Variants in KCTD8 observed in about 807,000 individuals in gnomAD.
The protein encoded by KCTD8 is potassium channel tetramerization domain containing 8, also known as BTB/POZ domain-containing protein KCTD8.
Under a neutral mutation model 31.5 loss-of-function variants are expected in KCTD8, and 27 were observed. That is an observed-to-expected ratio of 0.86 (90% CI 0.63 to 1.18). The LOEUF (loss-of-function observed/expected upper bound fraction) is 1.18. Ranked by LOEUF, KCTD8 falls within the 50% of genes most tolerant of loss-of-function variation. The probability of loss-of-function intolerance (pLI) is 0.00; values close to 1 mark genes in which losing one functional copy is unlikely to be tolerated. For missense variants in KCTD8, 658 were observed against 647.7 expected (o/e 1.02, Z -0.17); for synonymous variants, 290 against 280.0 (o/e 1.04, Z -0.36).
intron 1 of KCTD8, among the ~76,000 whole-genome samples, chr4:44,225,365 G>T (rs1302254885): frequency 6.6e-6 from 1 of 152,158 alleles, no homozygotes; most frequent in Non-Finnish European, 1.5e-5. Flanking sequence ...CCCATAGGCT[G>T]GCCACCTGTT....
At chr4:44,347,550 T>A (rs988464112) in intron 1 of KCTD8, among the ~76,000 whole-genome samples, 1 of 152,214 alleles carries the variant, frequency 6.6e-6, no homozygotes, top group African/African-American at 2.4e-5. Flanking sequence ...TAGTTCCACA[T>A]TGTTTAGTGC....
chr4:44,240,121 G>GTAT (rs1183528023), intron 1 of KCTD8, among the ~76,000 whole-genome samples: 1 of 152,200 alleles, frequency 6.6e-6, no homozygotes, highest in East Asian at 1.9e-4. Flanking sequence ...TTTGAAGCCT[G>GTAT]TTTGAATCAA....
chr4:44,308,483 A>T (rs534329924), intron 1 of KCTD8, among the ~76,000 whole-genome samples: 64 of 152,242 alleles, frequency 4.2e-4, no homozygotes, highest in African/African-American at 1.3e-3. Context: ...AGCAGCAAGT[A>T]AGAAAAAACT....
intron 1 of KCTD8, among the ~76,000 whole-genome samples, chr4:44,387,843 C>T (rs904220180): frequency 6.6e-5 from 10 of 151,662 alleles, no homozygotes; most frequent in African/African-American, 9.7e-5. Flanking sequence ...AAAGCAATTG[C>T]AACAAAAGCA....
chr4:44,317,135 T>C (rs2109403505), intron 1 of KCTD8, among the ~76,000 whole-genome samples: 1 of 151,780 alleles, frequency 6.6e-6, no homozygotes, highest in East Asian at 1.9e-4. Context: ...TTTTTGTTGT[T>C]TTATGAGTCT....
At chr4:44,372,363 T>G (rs1042462905) in intron 1 of KCTD8, among the ~76,000 whole-genome samples, 2 of 152,078 alleles carry the variant, frequency 1.3e-5, no homozygotes, top group African/African-American at 2.4e-5. Flanking sequence ...AAATTACTGG[T>G]AAATTAGACA....
At chr4:44,391,376 T>C (rs924584706) in intron 1 of KCTD8, among the ~76,000 whole-genome samples, 1 of 151,900 alleles carries the variant, frequency 6.6e-6, no homozygotes, top group African/African-American at 2.4e-5. Context: ...TCTCCCATTC[T>C]ACCTCCTCCA....
intron 1 of KCTD8, among the ~76,000 whole-genome samples, chr4:44,189,464 A>G (rs1016452380): frequency 7.2e-6 from 1 of 138,776 alleles, no homozygotes. Flanking sequence ...AAAGGTCCTT[A>G]ATATTTTGGA....
chr4:44,264,763 C>A (rs1157586764), intron 1 of KCTD8, among the ~76,000 whole-genome samples: 3 of 152,150 alleles, frequency 2.0e-5, no homozygotes, highest in Non-Finnish European at 4.4e-5. Flanking sequence ...GGGTCCTACA[C>A]CCATGGAGTC....
At chr4:44,279,013 T>C (rs1438423691) in intron 1 of KCTD8, among the ~76,000 whole-genome samples, 2 of 152,098 alleles carry the variant, frequency 1.3e-5, no homozygotes, top group African/African-American at 4.8e-5. Context: ...GCACAAGCTT[T>C]GGAATCAAAT....
At chr4:44,199,799 A>C (rs1369787378) in intron 1 of KCTD8, among the ~76,000 whole-genome samples, 1 of 152,022 alleles carries the variant, frequency 6.6e-6, no homozygotes, top group Non-Finnish European at 1.5e-5. Context: ...GAAATATCTA[A>C]AACCAGAGAA....
At chr4:44,320,328 T>C (rs768972653) in intron 1 of KCTD8, among the ~76,000 whole-genome samples, 1 of 152,114 alleles carries the variant, frequency 6.6e-6, no homozygotes, top group African/African-American at 2.4e-5. Context: ...GACCCCTCAT[T>C]TGAGAACTCT....
chr4:44,209,680 T>C (rs1178801663), intron 1 of KCTD8, among the ~76,000 whole-genome samples: 1 of 152,164 alleles, frequency 6.6e-6, no homozygotes, highest in Non-Finnish European at 1.5e-5. Context: ...GGATTCCTTA[T>C]ATACATTTCT....
chr4:44,194,714 A>G (rs990361459), intron 1 of KCTD8, among the ~76,000 whole-genome samples: 2 of 147,016 alleles, frequency 1.4e-5, no homozygotes, highest in Non-Finnish European at 3.0e-5. Context: ...ATTATGTGCT[A>G]CTTGAATGAA....
chr4:44,329,365 A>G (rs1421024250), intron 1 of KCTD8, among the ~76,000 whole-genome samples: 1 of 150,644 alleles, frequency 6.6e-6, no homozygotes. Context: ...AATATGAGAA[A>G]ACTATTGAGT....
chr4:44,283,776 A>T (rs1225781660), intron 1 of KCTD8, among the ~76,000 whole-genome samples: 1 of 152,216 alleles, frequency 6.6e-6, no homozygotes, highest in Non-Finnish European at 1.5e-5. Context: ...AAATTCAGCA[A>T]AGTCTCAGGA....
At chr4:44,191,849 C>T (rs1713773930) in intron 1 of KCTD8, among the ~76,000 whole-genome samples, 2 of 152,176 alleles carry the variant, frequency 1.3e-5, no homozygotes, top group Non-Finnish European at 2.9e-5. Context: ...TTCGTCCTTA[C>T]CTTGTTTTCT....
At chr4:44,432,942 C>T (rs1721539996) in intron 1 of KCTD8, among the ~76,000 whole-genome samples, 1 of 151,672 alleles carries the variant, frequency 6.6e-6, no homozygotes, top group Non-Finnish European at 1.5e-5. Context: ...AACCACTCTT[C>T]TCTTCTGTTA....
intron 1 of KCTD8, among the ~76,000 whole-genome samples, chr4:44,383,061 T>C (rs1405971475): frequency 6.6e-6 from 1 of 150,876 alleles, no homozygotes; most frequent in African/African-American, 2.4e-5. Flanking sequence ...TTATAATAGC[T>C]ATAAAAAAAC....
Sources: gnomAD v4.1 joint callset for allele counts (sites outside exome capture counted in the v4.1 genomes callset) on GRCh38, gnomAD v4.1.1 for gene constraint, MANE v1.5 for transcripts, NCBI Gene and HGNC (gene_info 2026-07-23, HGNC 2026-07-21) for gene names.